MTBP: variants seen among roughly 807,000 people sequenced by gnomAD.
The protein encoded by MTBP is mdm2-binding protein.
Under a neutral mutation model 117.0 loss-of-function variants are expected in MTBP, and 101 were observed. That is an observed-to-expected ratio of 0.86 (90% CI 0.73 to 1.02). MTBP has a LOEUF of 1.02. Ranked by LOEUF, MTBP falls within the 50% of genes least tolerant of loss-of-function variation. MTBP has a pLI of 0.00. For missense variants in MTBP, 970 were observed against 1,030.9 expected (o/e 0.94, Z 0.81); for synonymous variants, 350 against 351.5 (o/e 1.00, Z 0.05).
chr8:120,486,385 C>A (rs1814215904), intron 11 of MTBP, among the ~76,000 whole-genome samples: 1 of 152,104 alleles, frequency 6.6e-6, no homozygotes, highest in Non-Finnish European at 1.5e-5. Flanking sequence ...GCTGGGCCGG[C>A]ATGTAGCTTC....
intron 2 of MTBP, among the ~76,000 whole-genome samples, chr8:120,449,031 T>C (rs546534829): frequency 1.2e-4 from 18 of 152,298 alleles, no homozygotes; most frequent in African/African-American, 3.9e-4. Flanking sequence ...AGATCTGTGC[T>C]TTTGAGGTAT....
At chr8:120,520,420 T>C (rs1814992616) in intron 20 of MTBP, among the ~76,000 whole-genome samples, 1 of 152,150 alleles carries the variant, frequency 6.6e-6, no homozygotes, top group Non-Finnish European at 1.5e-5. Flanking sequence ...GGAGGATTAA[T>C]ACAGAAGATC....
intron 15 of MTBP, among the ~76,000 whole-genome samples, chr8:120,503,538 G>A (rs1814626945): frequency 6.6e-6 from 1 of 152,146 alleles, no homozygotes; most frequent in Non-Finnish European, 1.5e-5. Flanking sequence ...AGACCTAACG[G>A]ATAAATGGGT....
At chr8:120,487,892 A>G (rs1196921900) in intron 11 of MTBP, among the ~76,000 whole-genome samples, 4 of 152,214 alleles carry the variant, frequency 2.6e-5, no homozygotes, top group African/African-American at 4.8e-5. Context: ...TAAGAAATAT[A>G]CTGTAGATAT....
At chr8:120,503,454 A>G (rs1476090354) in intron 15 of MTBP, among the ~76,000 whole-genome samples, 1 of 152,134 alleles carries the variant, frequency 6.6e-6, no homozygotes, top group East Asian at 1.9e-4. Context: ...TGTTGTGGGG[A>G]GGGAAGTGGT....
chr8:120,457,567 C>T (rs767462097), intron 7 of MTBP, among the ~76,000 whole-genome samples: 1 of 152,110 alleles, frequency 6.6e-6, no homozygotes, highest in Non-Finnish European at 1.5e-5. Flanking sequence ...TTTGCTCATC[C>T]TAATCTCAGA....
intron 14 of MTBP, among the ~76,000 whole-genome samples, chr8:120,498,049 G>A (rs1479896660): frequency 6.6e-6 from 1 of 152,192 alleles, no homozygotes; most frequent in African/African-American, 2.4e-5. Context: ...GCTTTCCTGA[G>A]TTCCAGTGTT....
intron 10 of MTBP, among the ~76,000 whole-genome samples, chr8:120,466,611 G>A (rs1461699881): frequency 6.6e-6 from 1 of 151,342 alleles, no homozygotes; most frequent in Non-Finnish European, 1.5e-5. Flanking sequence ...GGTGGCTCAC[G>A]CCTTTAATTC....
In MTBP at chr8:120,493,526, T is replaced by C. The variant is rs142072060; in HGVS notation, c.1447+2956T>C. On this transcript the variant is annotated intron_variant, in intron 13 of 21. Transcript: ENST00000305949. ...TTTTTTTTGAGACAGAATTTTGCTC[T>C]GTCACCCAGGCTGGAGTGCAGTGGC... 7.3e-3 allele frequency among the ~76,000 whole-genome samples: 1,106 copies of C among 151,926 alleles called. 9 individuals are homozygous for C. Among genetic ancestry groups the C allele is most frequent in the African/African-American group, 0.026 (1,067 of 41,384 alleles).
intron 13 of MTBP, among the ~76,000 whole-genome samples, 171 bp from the exon 14 acceptor site, chr8:120,497,222 A>G (rs1471078844): frequency 6.6e-6 from 1 of 152,228 alleles, no homozygotes; most frequent in East Asian, 1.9e-4. Context: ...AAATTCTCCC[A>G]TTATCTACAA....
chr8:120,445,996 A>G (rs902434175), intron 1 of MTBP, among the ~76,000 whole-genome samples: 1 of 152,220 alleles, frequency 6.6e-6, no homozygotes, highest in Admixed American at 6.5e-5. Context: ...TCCCACATAT[A>G]ACCTAAGTTT....
intron 17 of MTBP, among the ~76,000 whole-genome samples, chr8:120,511,403 C>G (rs1003537536): frequency 6.6e-6 from 1 of 152,236 alleles, no homozygotes. Context: ...TCAAGTGATT[C>G]TCATGCCTCA....
chr8:120,447,204 G>A (rs1012528663), intron 2 of MTBP, among the ~76,000 whole-genome samples: 1 of 151,906 alleles, frequency 6.6e-6, no homozygotes, highest in Non-Finnish European at 1.5e-5. Flanking sequence ...TTCCATGCAA[G>A]GAAGGGTCTG....
chr8:120,467,308 G>C (rs1435777407), intron 10 of MTBP, among the ~76,000 whole-genome samples: 1 of 152,140 alleles, frequency 6.6e-6, no homozygotes, highest in Non-Finnish European at 1.5e-5. Context: ...CTACTGAAAA[G>C]ATTTAATCAA....
intron 5 of MTBP, among the ~76,000 whole-genome samples, chr8:120,454,317 T>A (rs1446388283): frequency 6.6e-6 from 1 of 152,124 alleles, no homozygotes; most frequent in Non-Finnish European, 1.5e-5. Flanking sequence ...ACTATATGCA[T>A]TGTCAAATGG....
At chr8:120,486,753 C>A (rs1481932746) in intron 11 of MTBP, among the ~76,000 whole-genome samples, 7 of 152,112 alleles carry the variant, frequency 4.6e-5, no homozygotes, top group Admixed American at 4.6e-4. Context: ...AAGCAGGCTG[C>A]GGCTGAAGTG....
chr8:120,479,595 A>G lies in MTBP; in HGVS notation c.1166-8564A>G, dbSNP rs79552824. On this transcript the variant is annotated intron_variant, in intron 11 of 21. Coordinates refer to ENST00000305949, the MANE Select transcript of MTBP (RefSeq NM_022045.5). ...GACAGACCCGTATACATGCTAGTCCACTAAATGAATCTCAGTAAATTTAAA... is the reference window on the plus strand; with the variant it reads ...GACAGACCCGTATACATGCTAGTCCGCTAAATGAATCTCAGTAAATTTAAA... Among the ~76,000 whole-genome samples the G allele has an allele frequency of 2.0e-4, 31 of 152,298 alleles. No homozygotes were observed. The East Asian group carries it at 5.8e-3, about 28-fold the overall frequency.
chr8:120,469,326 A>G lies in MTBP; in HGVS notation c.1048-1494A>G, dbSNP rs1813769881. Among the ~76,000 whole-genome samples the G allele has an allele frequency of 5.3e-5, 8 of 151,902 alleles. No homozygotes were observed. In the South Asian group the frequency reaches 1.7e-3, roughly 32 times the overall value. On this transcript the variant is annotated intron_variant, in intron 10 of 21. Coordinates refer to ENST00000305949, the MANE Select transcript of MTBP (RefSeq NM_022045.5). ...CTCCCAAAGTGCTGAGATTACAGGT[A>G]TGAGCCACCATGCCTGGCCTTATTG...
chr8:120,453,798 T>C (rs755795437), intron 4 of MTBP, 49 bp from the exon 5 acceptor site: 1 of 879,722 alleles, frequency 1.1e-6, no homozygotes, highest in Admixed American at 2.3e-5. Flanking sequence ...TGATTATATA[T>C]AAATATATTT....
Sources: gnomAD v4.1 joint callset for allele counts (sites outside exome capture counted in the v4.1 genomes callset) on GRCh38, gnomAD v4.1.1 for gene constraint, MANE v1.5 for transcripts, NCBI Gene and HGNC (gene_info 2026-07-23, HGNC 2026-07-21) for gene names.